Variants in XKR6 observed in about 807,000 individuals in gnomAD.
The protein encoded by XKR6 is XK-related protein 6.
A neutral mutation model predicts 56.7 loss-of-function variants in XKR6; 22 were observed. The ratio of observed to expected loss-of-function variants is 0.39; its 90% CI spans 0.28 to 0.55. XKR6 has a LOEUF of 0.55. Ranked by LOEUF, XKR6 falls within the 20% of genes least tolerant of loss-of-function variation. The pLI, the probability that XKR6 is intolerant of heterozygous loss-of-function variation, is 0.66. For missense variants in XKR6, 852 were observed against 889.0 expected, an observed-to-expected ratio of 0.96 and a Z score of 0.53; for synonymous variants, 524 against 387.8, an observed-to-expected ratio of 1.35 and a Z score of -4.13.
chr8:10,931,967 G>C (rs1801064674), intron 1 of XKR6, among the ~76,000 whole-genome samples: 1 of 152,118 alleles, frequency 6.6e-6, no homozygotes, highest in African/African-American at 2.4e-5. Flanking sequence ...CTTGTAGCTA[G>C]AATAAACAAA....
intron 1 of XKR6, chr8:11,138,524 A>G (rs777592898): frequency 6.6e-6 from 1 of 152,226 alleles, no homozygotes; most frequent in Non-Finnish European, 1.5e-5. Context: ...TTTCCATTCT[A>G]TATTTGATTT....
intron 1 of XKR6, among the ~76,000 whole-genome samples, chr8:11,147,987 A>T (rs367953784): frequency 2.6e-5 from 4 of 152,106 alleles, no homozygotes; most frequent in African/African-American, 9.7e-5. Context: ...AGGCAGGAGG[A>T]TCACTTGAGG....
intron 1 of XKR6, among the ~76,000 whole-genome samples, chr8:11,103,980 A>C (rs997553271): frequency 6.6e-6 from 1 of 152,226 alleles, no homozygotes; most frequent in African/African-American, 2.4e-5. Flanking sequence ...ATGCGGAGTA[A>C]TACTGCAAAT....
At chr8:11,072,497 T>C (rs1800158160) in intron 1 of XKR6, among the ~76,000 whole-genome samples, 1 of 152,094 alleles carries the variant, frequency 6.6e-6, no homozygotes, top group African/African-American at 2.4e-5. Flanking sequence ...CAAGGAAATG[T>C]GCAGGCTTAC....
intron 1 of XKR6, chr8:11,124,232 T>C (rs937532369): frequency 8.6e-6 from 3 of 348,006 alleles, no homozygotes; most frequent in South Asian, 2.2e-5. Context: ...AGCATATTCA[T>C]CTTACCAAAG....
intron 1 of XKR6, among the ~76,000 whole-genome samples, chr8:10,974,719 CCTT>C (rs886689739): frequency 6.6e-5 from 10 of 152,274 alleles, no homozygotes; most frequent in East Asian, 1.9e-4. Flanking sequence ...GTGAGGTTCT[CCTT>C]CTTCTCCAGG....
chr8:11,101,800 G>A (rs974260670), intron 1 of XKR6, among the ~76,000 whole-genome samples: 1 of 152,160 alleles, frequency 6.6e-6, no homozygotes. Context: ...TTTAGTTTGT[G>A]GGTTTATCTC....
chr8:10,928,258 C>T (rs1179111033), intron 1 of XKR6, among the ~76,000 whole-genome samples: 2 of 152,204 alleles, frequency 1.3e-5, no homozygotes, highest in Non-Finnish European at 2.9e-5. Context: ...CACCACAACA[C>T]GTGCAAAGCC....
intron 1 of XKR6, among the ~76,000 whole-genome samples, chr8:11,132,963 G>C (rs183440097): frequency 6.6e-6 from 1 of 151,970 alleles, no homozygotes; most frequent in East Asian, 1.9e-4. Flanking sequence ...AAAAAGAAGA[G>C]TTAAAAATAA....
At chr8:11,100,954 G>A (rs1262599721) in intron 1 of XKR6, among the ~76,000 whole-genome samples, 1 of 152,190 alleles carries the variant, frequency 6.6e-6, no homozygotes, top group Non-Finnish European at 1.5e-5. Context: ...AAGTGGTTAG[G>A]AGACAGTTTC....
intron 1 of XKR6, among the ~76,000 whole-genome samples, chr8:10,964,354 T>A (rs906046416): frequency 1.3e-5 from 2 of 152,224 alleles, no homozygotes; most frequent in Non-Finnish European, 2.9e-5. Flanking sequence ...CCCTCGGGGC[T>A]GTCCTGATGA....
At chr8:11,105,683 C>T (rs909921941) in intron 1 of XKR6, 7 of 152,068 alleles carry the variant, frequency 4.6e-5, no homozygotes, top group Non-Finnish European at 1.0e-4. Context: ...AGTAAAATTC[C>T]TTCACAGTAC....
intron 1 of XKR6, among the ~76,000 whole-genome samples, chr8:11,009,232 C>T (rs1037799783): frequency 5.3e-5 from 8 of 152,060 alleles, no homozygotes; most frequent in African/African-American, 1.4e-4. Context: ...AGGGTTTGGC[C>T]GGGCATGGTG....
rs75772378 is a variant in XKR6 at position 11,048,532 on chromosome 8, T to C, written c.765-123702A>G. On this transcript the variant is annotated intron_variant, in intron 1 of 2. Coordinates refer to ENST00000416569, the MANE Select transcript of XKR6 (RefSeq NM_173683.4). ...AGCGTGTGTTAAAAATACAGGTTCC[T>C]GGGACCAACTCCTACGTGTCTGAGT... is the stretch of plus-strand genomic sequence containing the variant. Among the ~76,000 whole-genome samples, 606 of 152,294 alleles carry C rather than the reference T, an allele frequency of 4.0e-3. 8 individuals carry two copies. Among genetic ancestry groups the C allele is most frequent in the African/African-American group, 0.014 (582 of 41,556 alleles).
At chr8:11,069,714 G>C (rs1800069456) in intron 1 of XKR6, among the ~76,000 whole-genome samples, 1 of 95,158 alleles carries the variant, frequency 1.1e-5, no homozygotes, top group Non-Finnish European at 2.0e-5. Context: ...GTGCAAGAGA[G>C]TTCAGGGGTC....
chr8:10,941,705 G>T (rs1032246255), intron 1 of XKR6, among the ~76,000 whole-genome samples: 6 of 152,226 alleles, frequency 3.9e-5, no homozygotes, highest in African/African-American at 9.6e-5. Context: ...TGGCTACGTG[G>T]CCTGGGGGCT....
intron 1 of XKR6, among the ~76,000 whole-genome samples, chr8:11,096,282 C>T (rs969922638): frequency 9.2e-5 from 14 of 152,168 alleles, no homozygotes; most frequent in Non-Finnish European, 7.4e-5. Flanking sequence ...GTAACAGATG[C>T]CTGGATAAGC....
At chr8:10,969,934 G>A (rs1482131826) in intron 1 of XKR6, among the ~76,000 whole-genome samples, 1 of 152,214 alleles carries the variant, frequency 6.6e-6, no homozygotes, top group Non-Finnish European at 1.5e-5. Context: ...GCTCCTCTAA[G>A]CTCCCATGTG....
intron 1 of XKR6, among the ~76,000 whole-genome samples, chr8:11,087,918 C>A (rs957266514): frequency 4.6e-5 from 7 of 152,130 alleles, no homozygotes; most frequent in African/African-American, 1.7e-4. Flanking sequence ...CCTCATCCAC[C>A]CAAAGTTTCC....
Sources: allele counts gnomAD v4.1 joint callset (sites outside exome capture counted in the v4.1 genomes callset), GRCh38; gene constraint gnomAD v4.1.1; transcripts MANE v1.5; gene names NCBI Gene and HGNC (gene_info 2026-07-23, HGNC 2026-07-21).